The following AMBRA1 variants were observed in gnomAD, a reference collection of about 807,000 sequenced individuals.
AMBRA1 encodes activating molecule in BECN1-regulated autophagy protein 1.
A neutral mutation model predicts 125.4 loss-of-function variants in AMBRA1; 47 were observed. That is an observed-to-expected ratio of 0.37 (90% CI 0.30 to 0.48). AMBRA1 has a LOEUF of 0.48. AMBRA1 is among the 20% of genes least tolerant of loss of function. The pLI is 0.99. For synonymous variants in AMBRA1, 626 were observed against 655.5 expected, an observed-to-expected ratio of 0.95 and a Z score of 0.69; for missense variants, 1,331 against 1,693.4, an observed-to-expected ratio of 0.79 and a Z score of 3.76.
rs2043853404 is a variant in AMBRA1, at chr11:46,573,744, C to T, written c.-121+20084G>A. 2.0e-5 allele frequency among the ~76,000 whole-genome samples: 3 copies of T among 150,112 alleles called. 1 individual carries two copies. ...GGTTAGTTACATATGTATACATGTGCCATGCTGGTGCGCTGCACCCACTAA... is the reference window on the plus strand; with the variant it reads ...GGTTAGTTACATATGTATACATGTGTCATGCTGGTGCGCTGCACCCACTAA... On this transcript the variant is annotated intron_variant, in intron 1 of 17. Transcript: ENST00000683756.
At position 46,543,127 on chromosome 11, in the gene AMBRA1, G is replaced by A; in HGVS notation, c.890C>T (p.Pro297Leu). Residue 297 changes from proline (P) to leucine (L), a missense_variant, in exon 7 of 18, where the codon CCC becomes CTC. By Grantham distance (98) the Pro-to-Leu change is moderately conservative. This residue lies in a region of AMBRA1 where 689 missense variants were observed against 776.5 expected (regional missense o/e 0.89). Coordinates refer to ENST00000683756, the MANE Select transcript of AMBRA1 (RefSeq NM_001387011.1). ...AAGGTGCTGGCAGCACTCAGCTGTG[G>A]GGTAACTGACCCGCTGTCGGAGCCT... ...YIRLRQRVSY[P>L]TAECCQHLGI... 1 of 1,571,354 alleles carries A rather than the reference G, an allele frequency of 6.4e-7. No homozygotes were observed. The highest frequency in any genetic ancestry group is 8.6e-7 in the Non-Finnish European group (1 of 1,164,182).
intron 1 of AMBRA1, among the ~76,000 whole-genome samples, chr11:46,556,471 G>A (rs1365774430): frequency 1.3e-5 from 2 of 152,182 alleles, no homozygotes; most frequent in Admixed American, 1.3e-4. Flanking sequence ...TCTATTGTGT[G>A]CAAAAGATAT....
intron 11 of AMBRA1, among the ~76,000 whole-genome samples, chr11:46,447,714 AGATAGATAGATAGAT>A: frequency 2.5e-3 from 1 of 394 alleles, no homozygotes; most frequent in East Asian, 0.05. Context: ...TCTTGTAGAT[AGATAGATAGATAGAT>A]AGATAGATAG....
At chr11:46,444,696 T>A (rs1948190451) in intron 11 of AMBRA1, among the ~76,000 whole-genome samples, 1 of 152,202 alleles carries the variant, frequency 6.6e-6, no homozygotes, top group African/African-American at 2.4e-5. Context: ...TGCACATCAC[T>A]GCAAAAGCAT....
intron 1 of AMBRA1, among the ~76,000 whole-genome samples, chr11:46,575,456 T>TAAAAAAAAAAAAAAAAA (rs772887807): frequency 8.4e-6 from 1 of 118,966 alleles, no homozygotes; most frequent in Non-Finnish European, 1.8e-5. Context: ...AAACTCTGTC[T>TAAAAAAAAAAAAAAAAA]AAAAAAAAAA....
At chr11:46,582,166 A>G (rs2044199013) in intron 1 of AMBRA1, among the ~76,000 whole-genome samples, 1 of 151,364 alleles carries the variant, frequency 6.6e-6, no homozygotes, top group Non-Finnish European at 1.5e-5. Context: ...CTAAGTCTCT[A>G]TCCTCATTCT....
At chr11:46,534,944 G>T (rs1226334440) in intron 7 of AMBRA1, among the ~76,000 whole-genome samples, 2 of 152,198 alleles carry the variant, frequency 1.3e-5, no homozygotes, top group Non-Finnish European at 2.9e-5. Flanking sequence ...AGAGTGCTGG[G>T]ATTACAGGCA....
intron 1 of AMBRA1, among the ~76,000 whole-genome samples, chr11:46,562,363 G>A (rs1472802536): frequency 6.6e-6 from 1 of 152,220 alleles, no homozygotes; most frequent in African/African-American, 2.4e-5. Flanking sequence ...GTTGGTACTA[G>A]CAGACCATGA....
At chr11:46,584,049 T>G (rs2044279356) in intron 1 of AMBRA1, among the ~76,000 whole-genome samples, 1 of 146,392 alleles carries the variant, frequency 6.8e-6, no homozygotes, top group South Asian at 2.3e-4. Flanking sequence ...CTATAAATCA[T>G]GCTGCTATAA....
intron 1 of AMBRA1, among the ~76,000 whole-genome samples, chr11:46,570,240 C>T (rs2043706443): frequency 8.8e-6 from 1 of 113,958 alleles, no homozygotes; most frequent in Non-Finnish European, 1.6e-5. Context: ...CCAGCCTGGG[C>T]AACACAGTGA....
chr11:46,570,961 G>A (rs1187742600), intron 1 of AMBRA1, among the ~76,000 whole-genome samples: 1 of 152,158 alleles, frequency 6.6e-6, no homozygotes, highest in African/African-American at 2.4e-5. Flanking sequence ...AGAGCTTGTG[G>A]GGAGACTACA....
intron 9 of AMBRA1, among the ~76,000 whole-genome samples, chr11:46,499,932 A>G (rs1188768574): frequency 6.6e-6 from 1 of 152,200 alleles, no homozygotes; most frequent in Non-Finnish European, 1.5e-5. Flanking sequence ...GATTACAGGC[A>G]TGAGCCACCG....
intron 11 of AMBRA1, among the ~76,000 whole-genome samples, chr11:46,486,032 G>A (rs1950257904): frequency 6.6e-6 from 1 of 152,176 alleles, no homozygotes; most frequent in Non-Finnish European, 1.5e-5. Context: ...TTACTTCTCT[G>A]TTTCCCAGGC....
intron 15 of AMBRA1, among the ~76,000 whole-genome samples, chr11:46,411,191 CG>C (rs560638556): frequency 4.5e-4 from 68 of 151,914 alleles, no homozygotes; most frequent in Non-Finnish European, 6.0e-4. Context: ...GCGGCCTGAG[CG>C]GAGGAAGACA....
chr11:46,408,329 G>C, intron 17 of AMBRA1, among the ~76,000 whole-genome samples, 184 bp downstream of exon 17: 1 of 152,208 alleles, frequency 6.6e-6, no homozygotes, highest in East Asian at 1.9e-4. Context: ...TACTTGGTGG[G>C]AGTTGAGGCG....
At chr11:46,469,375 TA>T (rs992754776) in intron 11 of AMBRA1, among the ~76,000 whole-genome samples, 4 of 151,562 alleles carry the variant, frequency 2.6e-5, no homozygotes, top group South Asian at 2.1e-4. Flanking sequence ...AGTAAGGAGT[TA>T]AAAAAAAGAA....
At chr11:46,549,202 A>G (rs2042915595) in intron 1 of AMBRA1, among the ~76,000 whole-genome samples, 1 of 152,234 alleles carries the variant, frequency 6.6e-6, no homozygotes, top group Non-Finnish European at 1.5e-5. Context: ...AATACACACA[A>G]GTGTAATGAT....
chr11:46,482,110 G>A (rs1950094664), intron 11 of AMBRA1, among the ~76,000 whole-genome samples: 1 of 152,162 alleles, frequency 6.6e-6, no homozygotes, highest in African/African-American at 2.4e-5. Flanking sequence ...GCTTAGGATT[G>A]CTTTGGCTAT....
chr11:46,592,062 C>T (rs1385153142), intron 1 of AMBRA1, among the ~76,000 whole-genome samples: 1 of 150,388 alleles, frequency 6.6e-6, no homozygotes, highest in East Asian at 2.0e-4. Flanking sequence ...TCTCCTGCCT[C>T]AGCCTCCCAA....
Sources: gnomAD v4.1 joint callset for allele counts (sites outside exome capture counted in the v4.1 genomes callset) on GRCh38, gnomAD v4.1.1 for gene constraint, gnomAD v4.1.1 regional missense constraint, MANE v1.5 for transcripts, NCBI Gene and HGNC (gene_info 2026-07-23, HGNC 2026-07-21) for gene names.